The following NCALD variants were observed in gnomAD, a reference collection of about 807,000 sequenced individuals.
The protein encoded by NCALD is neurocalcin delta, also known as neurocalcin-delta.
Under a neutral mutation model 18.6 loss-of-function variants are expected in NCALD, and 10 were observed. The ratio of observed to expected loss-of-function variants is 0.54; its 90% CI spans 0.33 to 0.91. The LOEUF is 0.91. Among genes scored for constraint, NCALD ranks in the 40% least tolerant of loss-of-function variants. NCALD has a pLI of 0.03. For synonymous variants in NCALD, 88 were observed against 87.4 expected, an observed-to-expected ratio of 1.01 and a Z score of -0.04; for missense variants, 184 against 247.6, an observed-to-expected ratio of 0.74 and a Z score of 1.72.
In NCALD at chr8:101,896,090, C is replaced by T. The variant is rs1283020348; in HGVS notation, c.-106-8863G>A. Among the ~76,000 whole-genome samples, 862 of 150,116 alleles carry T rather than the reference C, an allele frequency of 5.7e-3. 3 individuals carry two copies. The highest frequency in any genetic ancestry group is 0.011 in the South Asian group (55 of 4,812). ...TAAGCCAAAAGAACAAAGCTGGAGG[C>T]GTCACACTACCTGACTTCAAACTAT... On this transcript the variant is annotated intron_variant, in intron 3 of 6. Coordinates refer to the NCALD transcript ENST00000311028.
rs142528950 is a variant in NCALD, at chr8:102,025,182, C to T, written c.-209-4893G>A. 3.3e-5 allele frequency among the ~76,000 whole-genome samples: 5 copies of T among 152,238 alleles called. No homozygotes were observed. The East Asian group carries it at 5.8e-4, about 18-fold the overall frequency. On this transcript the variant is annotated intron_variant, in intron 1 of 6. Transcript: ENST00000311028. ...GAGACATTTCAACATGGAGGCCCCT[C>T]GCTAGCTACTCTTCATTCACCTAAC...
intron 1 of NCALD, among the ~76,000 whole-genome samples, chr8:101,780,876 G>A (rs966077465): frequency 1.3e-5 from 2 of 152,030 alleles, no homozygotes; most frequent in African/African-American, 4.8e-5. Flanking sequence ...TGTGCTGTTT[G>A]TGACTCTAAC....
At chr8:101,916,126 A>G (rs1817963757) in intron 2 of NCALD, among the ~76,000 whole-genome samples, 1 of 152,122 alleles carries the variant, frequency 6.6e-6, no homozygotes, top group South Asian at 2.1e-4. Context: ...TAATATTTAT[A>G]TCTCCTTGGA....
At chr8:101,984,204 G>A (rs985562433) in intron 2 of NCALD, among the ~76,000 whole-genome samples, 1 of 152,148 alleles carries the variant, frequency 6.6e-6, no homozygotes, top group Admixed American at 6.5e-5. Flanking sequence ...AGATTTTAAT[G>A]CCAAAAACAT....
At chr8:101,871,147 T>C (rs1308507472) in intron 4 of NCALD, among the ~76,000 whole-genome samples, 1 of 152,126 alleles carries the variant, frequency 6.6e-6, no homozygotes, top group African/African-American at 2.4e-5. Context: ...ATTGATAGTA[T>C]TCCTGGCGCA....
intron 3 of NCALD, among the ~76,000 whole-genome samples, chr8:101,889,833 A>G (rs549974262): frequency 6.6e-6 from 1 of 152,340 alleles, no homozygotes; most frequent in African/African-American, 2.4e-5. Flanking sequence ...TAACTGAGCC[A>G]AAAGTAAAGG....
At chr8:101,796,868 C>T (rs1488221955) in intron 4 of NCALD, among the ~76,000 whole-genome samples, 2 of 152,212 alleles carry the variant, frequency 1.3e-5, no homozygotes, top group Non-Finnish European at 2.9e-5. Flanking sequence ...CAGGCCAAAC[C>T]TGTCTCCCAT....
intron 1 of NCALD, among the ~76,000 whole-genome samples, chr8:101,735,861 T>A (rs567803331): frequency 1.3e-5 from 2 of 152,356 alleles, no homozygotes; most frequent in African/African-American, 4.8e-5. Flanking sequence ...GTGAGGCTCC[T>A]TCTTCTTCCT....
chr8:102,117,155 A>G (rs912287296), intron 1 of NCALD, among the ~76,000 whole-genome samples: 2 of 152,192 alleles, frequency 1.3e-5, no homozygotes, highest in African/African-American at 4.8e-5. Context: ...GAGAGGATAA[A>G]TATCTGTTGC....
intron 2 of NCALD, among the ~76,000 whole-genome samples, chr8:101,951,346 G>T (rs1819412385): frequency 6.6e-6 from 1 of 152,180 alleles, no homozygotes; most frequent in African/African-American, 2.4e-5. Flanking sequence ...AGGTGTACAG[G>T]CAGCATGCTG....
intron 1 of NCALD, among the ~76,000 whole-genome samples, chr8:102,069,277 C>A (rs1020662896): frequency 6.6e-6 from 1 of 151,772 alleles, no homozygotes; most frequent in African/African-American, 2.4e-5. Context: ...AAACATATAT[C>A]ATATTGTATC....
intron 1 of NCALD, among the ~76,000 whole-genome samples, chr8:101,724,491 T>C (rs77188049): frequency 0.04 from 6,115 of 152,314 alleles, 159 homozygotes; most frequent in Middle Eastern, 0.14. Context: ...AACATTTTGG[T>C]TCTCCTCAGT....
chr8:102,034,307 C>T (rs1269417196), intron 1 of NCALD, among the ~76,000 whole-genome samples: 1 of 152,110 alleles, frequency 6.6e-6, no homozygotes, highest in African/African-American at 2.4e-5. Flanking sequence ...GTAAATGCAC[C>T]AACTAATGGC....
chr8:101,825,153 A>G (rs1813879969), intron 4 of NCALD, among the ~76,000 whole-genome samples: 1 of 152,186 alleles, frequency 6.6e-6, no homozygotes, highest in Non-Finnish European at 1.5e-5. Flanking sequence ...CAATTCCAAA[A>G]TGGCAATCAT....
intron 1 of NCALD, among the ~76,000 whole-genome samples, chr8:102,021,019 A>G (rs1377282015): frequency 6.6e-6 from 1 of 152,184 alleles, no homozygotes; most frequent in Non-Finnish European, 1.5e-5. Context: ...CCTCCAGTCA[A>G]GTCATCTGCT....
intron 3 of NCALD, among the ~76,000 whole-genome samples, chr8:101,901,515 A>G (rs1817421352): frequency 6.6e-6 from 1 of 151,680 alleles, no homozygotes; most frequent in African/African-American, 2.4e-5. Flanking sequence ...GTTTTTAGGT[A>G]TATCTCTTTA....
chr8:102,012,872 T>C (rs1435670539), intron 2 of NCALD, among the ~76,000 whole-genome samples: 1 of 152,178 alleles, frequency 6.6e-6, no homozygotes, highest in African/African-American at 2.4e-5. Flanking sequence ...ATCACCACAT[T>C]GCAAGGTCAT....
intron 4 of NCALD, among the ~76,000 whole-genome samples, chr8:101,857,784 A>C (rs1315750706): frequency 1.3e-5 from 2 of 152,208 alleles, no homozygotes; most frequent in Non-Finnish European, 2.9e-5. Context: ...AGCAATGAAT[A>C]AGGTGGCCAA....
chr8:101,693,976 G>A (rs982055026), intron 2 of NCALD: 2 of 149,260 alleles, frequency 1.3e-5, no homozygotes, highest in East Asian at 2.0e-4. Flanking sequence ...AGAGGATTCT[G>A]TGGAGTTTTG....
Sources: gnomAD v4.1 joint callset for allele counts (sites outside exome capture counted in the v4.1 genomes callset) on GRCh38, gnomAD v4.1.1 for gene constraint, MANE v1.5 for transcripts, NCBI Gene and HGNC (gene_info 2026-07-23, HGNC 2026-07-21) for gene names.